The following TRAPPC9 variants were observed in gnomAD, a reference collection of about 807,000 sequenced individuals.
The protein encoded by TRAPPC9 is IKK2 binding protein.
Under a neutral mutation model 124.0 loss-of-function variants are expected in TRAPPC9, and 83 were observed. The observed-to-expected ratio is 0.67, with a 90% confidence interval of 0.56 to 0.80. The LOEUF (loss-of-function observed/expected upper bound fraction) is 0.80, where lower values mean the gene tolerates loss of function less well. TRAPPC9 is among the 30% of genes least tolerant of loss of function. The probability of loss-of-function intolerance (pLI) is 0.00; values close to 1 mark genes in which losing one functional copy is unlikely to be tolerated. For synonymous variants in TRAPPC9, 638 were observed against 617.5 expected (o/e 1.03, Z -0.49); for missense variants, 1,302 against 1,508.3 (o/e 0.86, Z 2.27).
chr8:139,987,291 A>G (rs1414230652), intron 19 of TRAPPC9, among the ~76,000 whole-genome samples: 1 of 152,168 alleles, frequency 6.6e-6, no homozygotes, highest in African/African-American at 2.4e-5. Context: ...GCAAAGGGTA[A>G]GTGTATGTTT....
chr8:140,261,069 C>T (rs899381823), intron 15 of TRAPPC9, among the ~76,000 whole-genome samples: 2 of 152,196 alleles, frequency 1.3e-5, no homozygotes, highest in Admixed American at 6.5e-5. Flanking sequence ...TCCCAAGACG[C>T]CCTGTCAGTA....
At chr8:139,928,286 G>A (rs1304798721) in intron 19 of TRAPPC9, among the ~76,000 whole-genome samples, 1 of 152,194 alleles carries the variant, frequency 6.6e-6, no homozygotes, top group Non-Finnish European at 1.5e-5. Context: ...GAGGTCAGGA[G>A]TTCGAGACTA....
intron 17 of TRAPPC9, among the ~76,000 whole-genome samples, chr8:140,184,511 C>T (rs2062306963): frequency 6.6e-6 from 1 of 152,200 alleles, no homozygotes; most frequent in African/African-American, 2.4e-5. Context: ...CCTCGGCTCA[C>T]TGCAACCTCC....
chr8:140,339,589 G>C (rs969545241), intron 9 of TRAPPC9, among the ~76,000 whole-genome samples: 2 of 152,164 alleles, frequency 1.3e-5, no homozygotes, highest in Non-Finnish European at 2.9e-5. Context: ...CTGGTCCTTT[G>C]TCCAAACAAA....
At chr8:139,999,109 C>T (rs989606585) in intron 18 of TRAPPC9, among the ~76,000 whole-genome samples, 4 of 152,032 alleles carry the variant, frequency 2.6e-5, no homozygotes, top group African/African-American at 9.7e-5. Context: ...TGGTAGACCT[C>T]AGTTCAAACA....
chr8:140,038,453 A>G (rs930186987), intron 17 of TRAPPC9, among the ~76,000 whole-genome samples: 44 of 152,336 alleles, frequency 2.9e-4, no homozygotes, highest in African/African-American at 1.0e-3. Context: ...GGGAACAAAT[A>G]GGCTATGTCC....
chr8:139,800,449 C>T (rs1346324228), intron 21 of TRAPPC9, among the ~76,000 whole-genome samples: 1 of 152,238 alleles, frequency 6.6e-6, no homozygotes, highest in Admixed American at 6.5e-5. Context: ...TGGGTCCGTG[C>T]AGAGGCAGGA....
At chr8:139,887,910 G>C (rs1830114154) in intron 20 of TRAPPC9, among the ~76,000 whole-genome samples, 1 of 152,214 alleles carries the variant, frequency 6.6e-6, no homozygotes, top group Admixed American at 6.5e-5. Flanking sequence ...GGAGTGCAGA[G>C]GCCACGCCTC....
At chr8:139,779,282 G>A (rs1048441083) in intron 21 of TRAPPC9, among the ~76,000 whole-genome samples, 12 of 152,100 alleles carry the variant, frequency 7.9e-5, no homozygotes, top group East Asian at 1.9e-4. Flanking sequence ...AAAAACTAAG[G>A]TGAAACAAAG....
At chr8:139,795,758 G>C (rs969957871) in intron 21 of TRAPPC9, among the ~76,000 whole-genome samples, 5 of 152,124 alleles carry the variant, frequency 3.3e-5, no homozygotes, top group Non-Finnish European at 7.3e-5. Flanking sequence ...GCCAGTGAGC[G>C]TGAGGGGTGG....
chr8:140,254,268 A>C (rs1051550637), intron 15 of TRAPPC9, among the ~76,000 whole-genome samples: 12 of 152,202 alleles, frequency 7.9e-5, no homozygotes, highest in Admixed American at 6.5e-4. Flanking sequence ...TATCCTGGGC[A>C]GTGGGTGTCA....
chr8:139,894,773 C>T (rs1305663199), intron 20 of TRAPPC9, among the ~76,000 whole-genome samples: 1 of 152,194 alleles, frequency 6.6e-6, no homozygotes, highest in African/African-American at 2.4e-5. Context: ...CTGGTTTCGG[C>T]GTTCAGCTGT....
At chr8:139,780,931 C>T (rs917862428) in intron 21 of TRAPPC9, among the ~76,000 whole-genome samples, 1 of 152,122 alleles carries the variant, frequency 6.6e-6, no homozygotes, top group African/African-American at 2.4e-5. Context: ...TGCTAAACAT[C>T]ATACGTCAAT....
intron 16 of TRAPPC9, among the ~76,000 whole-genome samples, chr8:140,248,000 T>G (rs2064028757): frequency 6.6e-6 from 1 of 152,208 alleles, no homozygotes; most frequent in Non-Finnish European, 1.5e-5. Flanking sequence ...TCTGAGCACG[T>G]TCTTCTATGT....
intron 12 of TRAPPC9, among the ~76,000 whole-genome samples, chr8:140,289,768 A>G (rs1301195019): frequency 6.6e-6 from 1 of 152,168 alleles, no homozygotes; most frequent in Admixed American, 6.5e-5. Flanking sequence ...GCTTCTCCCT[A>G]CTAAGGCTGA....
rs373417016 is a variant in TRAPPC9 at position 139,948,646 on chromosome 8, G to C, written c.2811-38346C>G. On this transcript the variant is annotated intron_variant, in intron 19 of 22. Coordinates refer to ENST00000438773, the MANE Select transcript of TRAPPC9 (RefSeq NM_001160372.4). The stretch of plus-strand genomic sequence containing the variant: ...CCTTCAAATGTAAAATTCTTATCAA[G>C]GTTTCCAATTACGGCAACCCTGATC... Among the ~76,000 whole-genome samples, 29 of 152,262 alleles carry C rather than the reference G, an allele frequency of 1.9e-4. No homozygotes were observed. In the South Asian group the frequency reaches 5.8e-3, roughly 30 times the overall value.
intron 21 of TRAPPC9, among the ~76,000 whole-genome samples, chr8:139,797,931 TGA>T (rs921233456): frequency 1.2e-4 from 19 of 152,232 alleles, no homozygotes; most frequent in African/African-American, 4.6e-4. Context: ...TTGGGAAGTG[TGA>T]GTTGTCCAAC....
At chr8:139,992,971 C>T (rs995046156) in intron 18 of TRAPPC9, among the ~76,000 whole-genome samples, 6 of 151,904 alleles carry the variant, frequency 3.9e-5, no homozygotes, top group African/African-American at 1.2e-4. Context: ...TATAGATGAA[C>T]AGTTCATGAC....
intron 7 of TRAPPC9, among the ~76,000 whole-genome samples, chr8:140,379,850 C>T (rs556002663): frequency 7.9e-5 from 12 of 152,294 alleles, no homozygotes; most frequent in African/African-American, 1.9e-4. Flanking sequence ...TATTAGGAAA[C>T]AGCCAAGATA....
Sources: allele counts gnomAD v4.1 joint callset (sites outside exome capture counted in the v4.1 genomes callset), GRCh38; gene constraint gnomAD v4.1.1; transcripts MANE v1.5; gene names NCBI Gene and HGNC (gene_info 2026-07-23, HGNC 2026-07-21).